Variants in CPQ observed in about 807,000 individuals in gnomAD.
CPQ encodes the protein carboxypeptidase Q.
A neutral mutation model predicts 45.7 loss-of-function variants in CPQ; 37 were observed. The ratio of observed to expected loss-of-function variants is 0.81; its 90% CI spans 0.62 to 1.07. CPQ has a LOEUF of 1.07. Ranked by LOEUF, CPQ falls within the 50% of genes least tolerant of loss-of-function variation. CPQ has a pLI of 0.00. For missense variants in CPQ, 537 were observed against 572.9 expected, an observed-to-expected ratio of 0.94 and a Z score of 0.64; for synonymous variants, 186 against 205.8, an observed-to-expected ratio of 0.90 and a Z score of 0.82.
intron 5 of CPQ, among the ~76,000 whole-genome samples, chr8:97,025,384 A>G (rs1259879092): frequency 6.6e-6 from 1 of 152,212 alleles, no homozygotes; most frequent in East Asian, 1.9e-4. Flanking sequence ...CATGTTGGCT[A>G]TAAACTGTTG....
rs192636781 is a variant in CPQ at position 97,028,707 on chromosome 8, T to G, written c.962-696T>G. ...GGTTCTGGAGCCACTTCATCTGCCA[T>G]AAAATTTAATAAGTCCAGGATACAA... On this transcript the variant is annotated intron_variant, in intron 5 of 7. Transcript: ENST00000220763. Among the ~76,000 whole-genome samples, 5 of 152,332 alleles carry G rather than the reference T, an allele frequency of 3.3e-5. No homozygotes were observed. The East Asian group carries it at 9.6e-4, about 29-fold the overall frequency.
chr8:97,073,716 G>T (rs1810795936), intron 7 of CPQ, among the ~76,000 whole-genome samples: 1 of 152,138 alleles, frequency 6.6e-6, no homozygotes, highest in Admixed American at 6.5e-5. Flanking sequence ...ACATTGTGAT[G>T]GAGGGGTGGG....
At position 96,768,288 on chromosome 8, in the gene CPQ, C is replaced by CTT. The variant is rs71569182; in HGVS notation, c.-34-16563_-34-16562dup. Among the ~76,000 whole-genome samples the CTT allele has an allele frequency of 6.9e-3, 984 of 143,446 alleles. 8 individuals are homozygous for CTT. Among genetic ancestry groups the CTT allele is most frequent in the African/African-American group, 0.019 (736 of 39,300 alleles). The allele number at this position is 143,446 out of a possible 152,430, so 94.1% of individuals were successfully genotyped here. On this transcript the variant is annotated intron_variant, in intron 1 of 7. Transcript: ENST00000220763. ...TATGGCAAATCTATTTGGCTTAACACTTTTTTTTTTTTTTGCAACCTTTGA... is the reference window on the plus strand; with the variant it reads ...TATGGCAAATCTATTTGGCTTAACACTTTTTTTTTTTTTTTTGCAACCTTTGA...
chr8:96,861,156 A>G (rs950766966), intron 3 of CPQ, among the ~76,000 whole-genome samples: 1 of 152,160 alleles, frequency 6.6e-6, no homozygotes, highest in Non-Finnish European at 1.5e-5. Flanking sequence ...TTGGTACTAC[A>G]TCATATAAAT....
At chr8:96,778,608 C>A (rs1214867201) in intron 1 of CPQ, among the ~76,000 whole-genome samples, 2 of 151,980 alleles carry the variant, frequency 1.3e-5, no homozygotes, top group Non-Finnish European at 2.9e-5. Context: ...TTTAAATTAA[C>A]CTACTTTTAA....
intron 5 of CPQ, among the ~76,000 whole-genome samples, chr8:96,975,769 A>G (rs1813767789): frequency 6.6e-6 from 1 of 152,172 alleles, no homozygotes; most frequent in African/African-American, 2.4e-5. Context: ...TAGATGCAGA[A>G]GAAGCATTTG....
intron 3 of CPQ, among the ~76,000 whole-genome samples, chr8:96,878,227 A>G (rs1200781349): frequency 2.0e-5 from 3 of 152,048 alleles, no homozygotes; most frequent in Non-Finnish European, 2.9e-5. Flanking sequence ...CAGCCTCCCA[A>G]TGTGCTGGGA....
At chr8:96,921,141 CAG>C (rs943375899) in intron 4 of CPQ, among the ~76,000 whole-genome samples, 1 of 152,190 alleles carries the variant, frequency 6.6e-6, no homozygotes, top group Non-Finnish European at 1.5e-5. Flanking sequence ...CATAGCTGCT[CAG>C]GGGGCAGGTG....
intron 2 of CPQ, among the ~76,000 whole-genome samples, chr8:96,822,896 C>T (rs1039559631): frequency 1.3e-5 from 2 of 152,018 alleles, no homozygotes; most frequent in Non-Finnish European, 2.9e-5. Flanking sequence ...TTCTGTCCCC[C>T]TCATTCTTCA....
At chr8:96,893,662 G>A (rs1282734741) in intron 4 of CPQ, among the ~76,000 whole-genome samples, 1 of 152,126 alleles carries the variant, frequency 6.6e-6, no homozygotes, top group African/African-American at 2.4e-5. Context: ...CAAAATAAGT[G>A]GAAAATACGA....
intron 3 of CPQ, among the ~76,000 whole-genome samples, chr8:96,865,297 G>A (rs1412139402): frequency 6.6e-6 from 1 of 152,032 alleles, no homozygotes; most frequent in Non-Finnish European, 1.5e-5. Flanking sequence ...CTTTTACTCA[G>A]TGAGAACCTG....
chr8:96,824,613 C>T (rs1004125505), intron 2 of CPQ, among the ~76,000 whole-genome samples: 6 of 151,924 alleles, frequency 3.9e-5, no homozygotes, highest in African/African-American at 7.2e-5. Context: ...AAATATGGCT[C>T]GGGGATTACA....
intron 1 of CPQ, among the ~76,000 whole-genome samples, chr8:96,703,338 T>TGTTTTGGCCGGGCGCGGTG (rs1809493210): frequency 6.6e-6 from 1 of 152,206 alleles, no homozygotes; most frequent in African/African-American, 2.4e-5. Flanking sequence ...CCACTATATA[T>TGTTTTGGCCGGGCGCGGTG]GTTTTGTTTC....
rs1395768710 is a variant in CPQ, at chr8:96,879,847, A to T, written c.691A>T (p.Thr231Ser). ...EYQDGVPKIP[T>S]ACITVEDAEM... Reference sequence around the variant, plus strand: ...CCAGGATGGCGTGCCCAAGATTCCAACAGCCTGTATTACGGTGGAAGATGC... The same window carrying T: ...CCAGGATGGCGTGCCCAAGATTCCATCAGCCTGTATTACGGTGGAAGATGC... Residue 231 changes from threonine (T) to serine (S), a missense_variant, in exon 4 of 8, where the codon ACA becomes TCA. Thr to Ser is a moderately conservative substitution (Grantham distance 58). Transcript: ENST00000220763. 2 of 1,613,964 alleles carry T rather than the reference A, an allele frequency of 1.2e-6. No homozygotes were observed. The highest frequency in any genetic ancestry group is 2.7e-5 in the African/African-American group (2 of 74,906).
Position 97,122,981 on chromosome 8 carries a change from TTAAA to T in CPQ, c.1256-20038_1256-20035del, listed in dbSNP as rs1443970091. ...TAAAATAAAATAAAATAAAATAAAA[TTAAA>T]ATAAAATAAAATAAAATATAAAATA... On this transcript the variant is annotated intron_variant, in intron 7 of 7. Coordinates refer to ENST00000220763, the MANE Select transcript of CPQ (RefSeq NM_016134.4). Among the ~76,000 whole-genome samples, 149 of 24,252 alleles carry T rather than the reference TTAAA, an allele frequency of 6.1e-3. 6 individuals carry two copies. The highest frequency in any genetic ancestry group is 0.018 in the East Asian group (17 of 960). 15.9% of individuals were successfully genotyped at this position (24,252 alleles called of 152,430 possible).
At chr8:96,988,381 A>G (rs1354914808) in intron 5 of CPQ, among the ~76,000 whole-genome samples, 1 of 152,190 alleles carries the variant, frequency 6.6e-6, no homozygotes, top group African/African-American at 2.4e-5. Context: ...TCTACTACAT[A>G]CATATTCGGA....
intron 5 of CPQ, among the ~76,000 whole-genome samples, chr8:97,027,852 G>T (rs1809828613): frequency 6.6e-6 from 1 of 152,178 alleles, no homozygotes; most frequent in African/African-American, 2.4e-5. Flanking sequence ...CTGGTTATTG[G>T]AGGTTTTGAG....
intron 1 of CPQ, among the ~76,000 whole-genome samples, chr8:96,688,671 G>A (rs191090811): frequency 5.3e-5 from 8 of 152,116 alleles, no homozygotes; most frequent in Middle Eastern, 3.4e-3. Context: ...AAAATTGACG[G>A]TACTATATTT....
At chr8:96,874,466 C>G (rs1223581419) in intron 3 of CPQ, among the ~76,000 whole-genome samples, 1 of 151,826 alleles carries the variant, frequency 6.6e-6, no homozygotes, top group Non-Finnish European at 1.5e-5. Context: ...ATATTCCACT[C>G]TCCCCTGCCA....
Sources: gnomAD v4.1 joint callset for allele counts (sites outside exome capture counted in the v4.1 genomes callset) on GRCh38, gnomAD v4.1.1 for gene constraint, MANE v1.5 for transcripts, NCBI Gene and HGNC (gene_info 2026-07-23, HGNC 2026-07-21) for gene names.